Variants in RPS6KA2 observed in about 807,000 individuals in gnomAD.
RPS6KA2 encodes the protein ribosomal protein S6 kinase alpha-2.
A neutral mutation model predicts 91.8 loss-of-function variants in RPS6KA2; 42 were observed. That is an observed-to-expected ratio of 0.46 (90% confidence interval 0.36 to 0.59). The LOEUF (loss-of-function observed/expected upper bound fraction) is 0.59, where lower values mean the gene tolerates loss of function less well. Ranked by LOEUF, RPS6KA2 falls within the 20% of genes least tolerant of loss-of-function variation. The pLI, the probability that RPS6KA2 is intolerant of heterozygous loss-of-function variation, is 0.00. For synonymous variants in RPS6KA2, 414 were observed against 393.6 expected, an observed-to-expected ratio of 1.05 and a Z score of -0.61; for missense variants, 798 against 978.5, an observed-to-expected ratio of 0.82 and a Z score of 2.46.
intron 2 of RPS6KA2, among the ~76,000 whole-genome samples, chr6:166,848,327 C>T (rs2128631593): frequency 6.6e-6 from 1 of 152,294 alleles, no homozygotes; most frequent in South Asian, 2.1e-4. Flanking sequence ...ATAACTAGTA[C>T]AACCACTATG....
Position 166,577,438 on chromosome 6 carries a change from C to G in RPS6KA2, c.100-38654G>C, listed in dbSNP as rs148105159. The stretch of plus-strand genomic sequence containing the variant: ...ACCCTGCAAAGCCACAGGGGTGGAG[C>G]TGCCCAAGACCATGGGAACCCACCT... On this transcript the variant is annotated intron_variant, in intron 1 of 20. Transcript: ENST00000265678. Among the ~76,000 whole-genome samples, 309 of 152,328 alleles carry G rather than the reference C, an allele frequency of 2.0e-3. 2 individuals carry two copies. The highest frequency in any genetic ancestry group is 7.2e-3 in the African/African-American group (300 of 41,574).
chr6:166,595,733 G>A (rs1397816642), intron 1 of RPS6KA2, among the ~76,000 whole-genome samples: 1 of 152,200 alleles, frequency 6.6e-6, no homozygotes, highest in East Asian at 1.9e-4. Flanking sequence ...AAGTCATTCT[G>A]TCCTTACATG....
rs919088204 is a variant in RPS6KA2 at position 166,557,854 on chromosome 6, A to G, written c.100-19070T>C. Among the ~76,000 whole-genome samples, 6 of 152,130 alleles carry G rather than the reference A, an allele frequency of 3.9e-5. No homozygotes were observed. The highest frequency in any genetic ancestry group is 7.2e-5 in the African/African-American group (3 of 41,420). ...CATTTTAGCCCCAGTTCACCATCCA[A>G]ATAGAAAGCCTGTTACACCAGTGTA... On this transcript the variant is annotated intron_variant, in intron 1 of 20. Coordinates refer to ENST00000265678, the MANE Select transcript of RPS6KA2 (RefSeq NM_021135.6). The surrounding 1 kb of genome is among the most constrained non-coding windows in gnomAD (Gnocchi z 4.8).
At position 166,705,978 on chromosome 6, in the gene RPS6KA2, C is replaced by A. The variant is rs1789669976; in HGVS notation, c.123+152222G>T. Among the ~76,000 whole-genome samples the A allele has an allele frequency of 2.0e-5, 3 of 152,156 alleles. No homozygotes were observed. In the South Asian group the frequency reaches 6.2e-4, roughly 32 times the overall value. ...TGAAAGAGACTCTAGAGAGGGCCCTCACACCTTCCACCACGTGAGGACTTG... is the reference window on the plus strand; with the variant it reads ...TGAAAGAGACTCTAGAGAGGGCCCTAACACCTTCCACCACGTGAGGACTTG... On this transcript the variant is annotated intron_variant, in intron 2 of 21. Coordinates refer to the RPS6KA2 transcript ENST00000503859.
At chr6:166,480,850 A>G (rs1411073479) in intron 10 of RPS6KA2, among the ~76,000 whole-genome samples, 1 of 152,028 alleles carries the variant, frequency 6.6e-6, no homozygotes, top group Non-Finnish European at 1.5e-5. Context: ...GGGTTTCGCC[A>G]TGTTGGCCAG....
At chr6:166,421,938 CA>C (rs1447951819) in intron 17 of RPS6KA2, among the ~76,000 whole-genome samples, 1 of 152,130 alleles carries the variant, frequency 6.6e-6, no homozygotes, top group Non-Finnish European at 1.5e-5. Flanking sequence ...CCTGCTCTTT[CA>C]ACCAGGCTGG....
At chr6:166,652,451 C>A (rs966656073) in intron 2 of RPS6KA2, among the ~76,000 whole-genome samples, 1 of 151,992 alleles carries the variant, frequency 6.6e-6, no homozygotes, top group Non-Finnish European at 1.5e-5. Flanking sequence ...TCGTTTGCAC[C>A]TTATTCTCTT....
At chr6:166,674,395 A>C (rs192069365) in intron 2 of RPS6KA2, among the ~76,000 whole-genome samples, 256 of 152,262 alleles carry the variant, frequency 1.7e-3, no homozygotes, top group African/African-American at 5.8e-3. Context: ...GATGGGGACC[A>C]CGCTAAACCG....
intron 1 of RPS6KA2, chr6:166,585,993 C>T: frequency 2.0e-6 from 1 of 490,478 alleles, no homozygotes; most frequent in Non-Finnish European, 3.2e-6. Flanking sequence ...TTTTTAAAGT[C>T]TCAACTTCCA....
rs911275980 is a variant in RPS6KA2, at chr6:166,639,955, C to T, written c.124-101171G>A. ...CGTTCCATGCGTGTGTGTAAACAGA[C>T]GTTACTAGGATTATTTTCAGTGGGT... On this transcript the variant is annotated intron_variant, in intron 2 of 21. Transcript: ENST00000503859. The surrounding 1 kb of genome is among the most constrained non-coding windows in gnomAD (Gnocchi z 4.2). 1.3e-5 allele frequency among the ~76,000 whole-genome samples: 2 copies of T among 152,210 alleles called. No homozygotes were observed. The highest frequency in any genetic ancestry group is 6.5e-5 in the Admixed American group (1 of 15,286).
At position 166,437,073 on chromosome 6, in the gene RPS6KA2, A is replaced by G. The variant is rs117962156; in HGVS notation, c.1333-4583T>C. Among the ~76,000 whole-genome samples, 298 of 151,684 alleles carry G rather than the reference A, an allele frequency of 2.0e-3. 4 individuals carry two copies. The East Asian group carries it at 0.049, about 25-fold the overall frequency. On this transcript the variant is annotated intron_variant, in intron 14 of 20. Coordinates refer to ENST00000265678, the MANE Select transcript of RPS6KA2 (RefSeq NM_021135.6). The surrounding 1 kb of genome is among the most constrained non-coding windows in gnomAD (Gnocchi z 4.3). ...TGTTTTTATTTTTGCATGGAGGGTG[A>G]GCTATTTGAGCAAGGTAAGGCTGGA...
chr6:166,505,911 C>T (rs748735060), intron 5 of RPS6KA2, among the ~76,000 whole-genome samples: 27 of 152,240 alleles, frequency 1.8e-4, no homozygotes, highest in Non-Finnish European at 3.7e-4. Flanking sequence ...ACGTGGCCCA[C>T]CATGGGTTTT....
At chr6:166,634,391 C>A (rs1787171309) in intron 2 of RPS6KA2, among the ~76,000 whole-genome samples, 1 of 152,198 alleles carries the variant, frequency 6.6e-6, no homozygotes, top group Admixed American at 6.5e-5. Context: ...TCCACAGGCG[C>A]CACCTCTGAG....
chr6:166,744,186 T>A (rs543694738), intron 2 of RPS6KA2, among the ~76,000 whole-genome samples: 33 of 152,332 alleles, frequency 2.2e-4, no homozygotes, highest in Middle Eastern at 6.8e-3. Context: ...TGAAATTCCA[T>A]CCACCGACCT....
rs3778411 is a variant in RPS6KA2, at chr6:166,537,185, C to T, written c.216+1483G>A. Among the ~76,000 whole-genome samples the T allele has an allele frequency of 1.8e-3, 268 of 152,398 alleles. 4 individuals are homozygous for T. In the East Asian group the frequency reaches 0.036, roughly 21 times the overall value. On this transcript the variant is annotated intron_variant, in intron 2 of 20. Coordinates refer to ENST00000265678, the MANE Select transcript of RPS6KA2 (RefSeq NM_021135.6). ...TAAAGACGATTCGGCTGATTCTGTG[C>T]TTCCACAGGTGGAATCTGTTCTCAA...
At chr6:166,704,254 G>A (rs1397605119) in intron 2 of RPS6KA2, among the ~76,000 whole-genome samples, 2 of 152,162 alleles carry the variant, frequency 1.3e-5, no homozygotes, top group African/African-American at 2.4e-5. Flanking sequence ...TGTAGCCAAG[G>A]TGACCCAAGG....
chr6:166,746,186 C>T (rs534239975), intron 2 of RPS6KA2, among the ~76,000 whole-genome samples: 11 of 152,168 alleles, frequency 7.2e-5, no homozygotes, highest in African/African-American at 2.4e-4. Context: ...TATGCAGGCT[C>T]TCCCCAGAGC....
rs1245346793 is a variant in RPS6KA2 at position 166,554,241 on chromosome 6, C to T, written c.100-15457G>A. Among the ~76,000 whole-genome samples, 1 of 152,178 alleles carries T rather than the reference C, an allele frequency of 6.6e-6. No homozygotes were observed. Among genetic ancestry groups the T allele is most frequent in the East Asian group, 1.9e-4 (1 of 5,202 alleles). The stretch of plus-strand genomic sequence containing the variant: ...TTTCAAATAATGATGACCTGAGAAG[C>T]GACTGCTACCCCTTTCCCAGAAGTA... On this transcript the variant is annotated intron_variant, in intron 1 of 20. Coordinates refer to ENST00000265678, the MANE Select transcript of RPS6KA2 (RefSeq NM_021135.6). This position sits in a 1 kb window ranked among gnomAD's most constrained non-coding sequence, Gnocchi z 4.3.
chr6:166,609,739 A>T (rs1786098829), intron 1 of RPS6KA2, among the ~76,000 whole-genome samples: 1 of 152,148 alleles, frequency 6.6e-6, no homozygotes, highest in African/African-American at 2.4e-5. Flanking sequence ...ACCTCAGCTG[A>T]TCTGCCCGCC....
Sources: allele counts gnomAD v4.1 joint callset (sites outside exome capture counted in the v4.1 genomes callset), GRCh38; gene constraint gnomAD v4.1.1; non-coding constraint Gnocchi (gnomAD v3.1); transcripts MANE v1.5; gene names NCBI Gene and HGNC (gene_info 2026-07-23, HGNC 2026-07-21).